The following DHRS7B variants were observed in gnomAD, a reference collection of about 807,000 sequenced individuals.
The protein encoded by DHRS7B is peroxisomal reductase activating PPAR-gamma.
In DHRS7B, 24 loss-of-function variants were observed where a neutral mutation model predicts 26.4. That is an observed-to-expected ratio of 0.91 (90% CI 0.66 to 1.28). The LOEUF (loss-of-function observed/expected upper bound fraction) is 1.28, where lower values mean the gene tolerates loss of function less well. Ranked by LOEUF, DHRS7B falls within the 50% of genes most tolerant of loss-of-function variation. The pLI, the probability that DHRS7B is intolerant of heterozygous loss-of-function variation, is 0.00. For missense variants in DHRS7B, 368 were observed against 419.4 expected (o/e 0.88, Z 1.07); for synonymous variants, 142 against 166.4 (o/e 0.85, Z 1.13).
intron 1 of DHRS7B, among the ~76,000 whole-genome samples, chr17:21,143,842 C>T (rs548732966): frequency 3.3e-5 from 5 of 152,302 alleles, no homozygotes; most frequent in African/African-American, 4.8e-5. Flanking sequence ...AAGATTACAG[C>T]GAGGGAGCCT....
At chr17:21,141,112 C>A (rs996410809) in intron 1 of DHRS7B, among the ~76,000 whole-genome samples, 5 of 152,076 alleles carry the variant, frequency 3.3e-5, no homozygotes, top group Non-Finnish European at 7.4e-5. Flanking sequence ...CTGGACGAGC[C>A]ATTTTAAAAA....
At chr17:21,132,530 C>G (rs1415793107) in intron 1 of DHRS7B, among the ~76,000 whole-genome samples, 1 of 81,702 alleles carries the variant, frequency 1.2e-5, no homozygotes, top group Admixed American at 1.6e-4. Context: ...GACCTTGTCT[C>G]AAAAAAAAAA....
intron 1 of DHRS7B, among the ~76,000 whole-genome samples, chr17:21,140,169 G>A (rs111392434): frequency 0.032 from 4,715 of 149,588 alleles, 231 homozygotes; most frequent in African/African-American, 0.11. Context: ...GACTACAGGC[G>A]CCCACCACTA....
intron 1 of DHRS7B, among the ~76,000 whole-genome samples, chr17:21,159,921 C>G (rs185243052): frequency 1.5e-5 from 2 of 135,848 alleles, no homozygotes; most frequent in East Asian, 4.7e-4. Flanking sequence ...ACTGTTAAAA[C>G]TCATCAATGA....
At chr17:21,141,803 A>G (rs571517355) in intron 1 of DHRS7B, among the ~76,000 whole-genome samples, 3 of 152,128 alleles carry the variant, frequency 2.0e-5, no homozygotes, top group South Asian at 2.1e-4. Context: ...TTGGGAGATC[A>G]GGGATTCTCT....
chr17:21,166,242 C>T (rs1178319745), intron 1 of DHRS7B: 64 of 985,358 alleles, frequency 6.5e-5, no homozygotes, highest in Non-Finnish European at 7.7e-5. Flanking sequence ...GGTCTGAAAT[C>T]TCCAGCCTTC....
chr17:21,148,965 C>A lies in DHRS7B; in HGVS notation c.20+21974C>A, dbSNP rs368785536. ...TAAGAAAGATATAAATATTTGGGAACAGGAAAATCAGAGAACATCAGATTT... is the reference window on the plus strand; with the variant it reads ...TAAGAAAGATATAAATATTTGGGAAAAGGAAAATCAGAGAACATCAGATTT... On this transcript the variant is annotated intron_variant, in intron 1 of 6. Transcript: ENST00000395511. Among the ~76,000 whole-genome samples, 18 of 152,098 alleles carry A rather than the reference C, an allele frequency of 1.2e-4. 1 individual carries two copies. In the East Asian group the frequency reaches 2.7e-3, roughly 23 times the overall value.
In DHRS7B at chr17:21,189,166, C is replaced by G. The variant is rs116516010; in HGVS notation, c.772+303C>G. On this transcript the variant is annotated intron_variant, in intron 6 of 6. Transcript: ENST00000395511. ...AAATGCCAACAGACTTCCAACTAAC[C>G]CATTCGCAGATCCCGAGTCCAAGGA... Among the ~76,000 whole-genome samples, 1,115 of 152,258 alleles carry G rather than the reference C, an allele frequency of 7.3e-3. 13 individuals carry two copies. Among genetic ancestry groups the G allele is most frequent in the Middle Eastern group, 0.024 (7 of 294 alleles).
At position 21,126,997 on chromosome 17, in the gene DHRS7B, G is replaced by T. The variant is rs534420841; in HGVS notation, c.20+6G>T. The stretch of plus-strand genomic sequence containing the variant: ...ATGGTCTCTCCGGCTACCAGGTAGG[G>T]GCTGGGGAAGAAGGAACCTCCGAGA... On this transcript the variant is annotated splice_donor_region_variant and intron_variant, in intron 1 of 6. Transcript: ENST00000395511. 1.9e-5 allele frequency: 29 copies of T among 1,521,346 alleles called. No individual in the cohort carries two copies. The South Asian group carries it at 3.6e-4, about 19-fold the overall frequency. The allele number at this position is 1,521,346 out of a possible 1,614,324, so 94.2% of individuals were successfully genotyped here. A position where few individuals can be genotyped will look rare whatever the true frequency, so the allele number is the denominator to read the frequency against.
chr17:21,132,384 T>G (rs1973253848), intron 1 of DHRS7B, among the ~76,000 whole-genome samples: 1 of 149,724 alleles, frequency 6.7e-6, no homozygotes, highest in Non-Finnish European at 1.5e-5. Context: ...TAGATAGAGA[T>G]ATGCAGGTGT....
intron 1 of DHRS7B, among the ~76,000 whole-genome samples, chr17:21,141,154 T>C (rs1450419675): frequency 6.6e-6 from 1 of 152,186 alleles, no homozygotes; most frequent in Non-Finnish European, 1.5e-5. Context: ...CCTGCAAGCC[T>C]GCTGCATGTC....
At position 21,168,063 on chromosome 17, in the gene DHRS7B, G is replaced by C. The variant is rs919989483; in HGVS notation, c.21-3955G>C. Among the ~76,000 whole-genome samples the C allele has an allele frequency of 9.2e-5, 14 of 152,274 alleles. No homozygotes were observed. The East Asian group carries it at 2.7e-3, about 29-fold the overall frequency. ...ACAGCAAGGTGGTGGGGCTTTCCATGGCTAGCTCTCATGGTCATCCTGACT... is the reference window on the plus strand; with the variant it reads ...ACAGCAAGGTGGTGGGGCTTTCCATCGCTAGCTCTCATGGTCATCCTGACT... On this transcript the variant is annotated intron_variant, in intron 1 of 6. Transcript: ENST00000395511.
At chr17:21,161,558 T>C (rs1974000301) in intron 1 of DHRS7B, among the ~76,000 whole-genome samples, 1 of 152,180 alleles carries the variant, frequency 6.6e-6, no homozygotes, top group Non-Finnish European at 1.5e-5. Flanking sequence ...GGAAGTCCTT[T>C]AGGCTAAAAG....
chr17:21,144,241 G>A (rs1322396970), intron 1 of DHRS7B, among the ~76,000 whole-genome samples: 1 of 152,052 alleles, frequency 6.6e-6, no homozygotes, highest in Non-Finnish European at 1.5e-5. Flanking sequence ...ACCTCTTTAC[G>A]TCTTATCTTA....
At chr17:21,182,376 G>C (rs868856842) in intron 3 of DHRS7B, among the ~76,000 whole-genome samples, 4 of 152,098 alleles carry the variant, frequency 2.6e-5, no homozygotes, top group Admixed American at 6.5e-5. Context: ...AGCCTCCCGA[G>C]TAGCTGGGAT....
chr17:21,127,011 G>T lies in DHRS7B; in HGVS notation c.20+20G>T, dbSNP rs1371753621. ...TACCAGGTAGGGGCTGGGGAAGAAG[G>T]AACCTCCGAGATGAGGCGATAGGGT... On this transcript the variant is annotated intron_variant, in intron 1 of 6. Coordinates refer to ENST00000395511, the MANE Select transcript of DHRS7B (RefSeq NM_015510.5). 1 of 1,511,660 alleles carries T rather than the reference G, an allele frequency of 6.6e-7. No individual in the cohort carries two copies. The highest frequency in any genetic ancestry group is 1.2e-5 in the South Asian group (1 of 80,782). The allele number at this position is 1,511,660 out of a possible 1,614,324, so 93.6% of individuals were successfully genotyped here.
At chr17:21,170,093 C>A (rs925822620) in intron 1 of DHRS7B, among the ~76,000 whole-genome samples, 3 of 152,316 alleles carry the variant, frequency 2.0e-5, no homozygotes, top group East Asian at 1.9e-4. Flanking sequence ...TTGCCTGGAG[C>A]CTTCTCTTGC....
chr17:21,155,481 A>G (rs539161384), intron 1 of DHRS7B, among the ~76,000 whole-genome samples: 2 of 152,198 alleles, frequency 1.3e-5, no homozygotes, highest in Non-Finnish European at 2.9e-5. Flanking sequence ...AAAATATGTG[A>G]GGCAAAAACT....
intron 1 of DHRS7B, among the ~76,000 whole-genome samples, chr17:21,171,301 C>A (rs1215654596): frequency 6.6e-6 from 1 of 152,250 alleles, no homozygotes; most frequent in African/African-American, 2.4e-5. Context: ...ATCAACTGCA[C>A]ACTGTTGCAC....
Sources: gnomAD v4.1 joint callset for allele counts (sites outside exome capture counted in the v4.1 genomes callset) on GRCh38, gnomAD v4.1.1 for gene constraint, MANE v1.5 for transcripts, NCBI Gene and HGNC (gene_info 2026-07-23, HGNC 2026-07-21) for gene names.